The following WWOX variants were observed in gnomAD, a reference collection of about 807,000 sequenced individuals.
WWOX encodes WW domain-containing oxidoreductase.
In WWOX, 69 loss-of-function variants were observed where a neutral mutation model predicts 46.2. The ratio of observed to expected loss-of-function variants is 1.49; its 90% CI spans 1.23 to 1.82. The LOEUF (loss-of-function observed/expected upper bound fraction) is 1.82, where lower values mean the gene tolerates loss of function less well. WWOX is among the 40% of genes most tolerant of loss of function. The pLI is 0.00. For synonymous variants in WWOX, 359 were observed against 202.6 expected (o/e 1.77, Z -6.56); for missense variants, 919 against 542.6 (o/e 1.69, Z -6.89).
intron 5 of WWOX, among the ~76,000 whole-genome samples, chr16:78,325,066 T>A (rs2080582771): frequency 6.6e-6 from 1 of 152,136 alleles, no homozygotes; most frequent in South Asian, 2.1e-4. Flanking sequence ...AAGCCTGGCT[T>A]GTGTGAGAGC....
chr16:78,560,142 A>C (rs987969343), intron 8 of WWOX, among the ~76,000 whole-genome samples: 1 of 152,206 alleles, frequency 6.6e-6, no homozygotes, highest in Non-Finnish European at 1.5e-5. Flanking sequence ...TATACAAAAA[A>C]TATGCATAGT....
intron 8 of WWOX, among the ~76,000 whole-genome samples, chr16:79,072,042 G>C (rs529660440): frequency 2.7e-4 from 41 of 152,314 alleles, no homozygotes; most frequent in Non-Finnish European, 3.5e-4. Flanking sequence ...TAGCACTTTG[G>C]AAGGCAGAGG....
chr16:78,334,482 A>G (rs1298694874), intron 5 of WWOX, among the ~76,000 whole-genome samples: 1 of 152,212 alleles, frequency 6.6e-6, no homozygotes, highest in African/African-American at 2.4e-5. Context: ...GAGGTGTTAC[A>G]CAATTCATAG....
In WWOX at chr16:78,958,908, G is replaced by A. The variant is rs1036239107; in HGVS notation, c.1057-252700G>A. On this transcript the variant is annotated intron_variant, in intron 8 of 8. Coordinates refer to ENST00000566780, the MANE Select transcript of WWOX (RefSeq NM_016373.4). ...CATTCAACTCCATAGGGTGAGCATA[G>A]CTTAGTGGGGAGAGATTTGGACTAA... Among the ~76,000 whole-genome samples the A allele has an allele frequency of 2.6e-5, 4 of 152,308 alleles. No individual in the cohort carries two copies. The South Asian group carries it at 8.3e-4, about 32-fold the overall frequency.
intron 8 of WWOX, among the ~76,000 whole-genome samples, chr16:78,684,274 C>T (rs963132403): frequency 2.8e-4 from 42 of 152,124 alleles, no homozygotes; most frequent in African/African-American, 9.9e-4. Flanking sequence ...ATTGGACCTG[C>T]GGTCTGTCCA....
At chr16:78,680,216 C>T (rs1370414440) in intron 8 of WWOX, among the ~76,000 whole-genome samples, 1 of 152,064 alleles carries the variant, frequency 6.6e-6, no homozygotes, top group Admixed American at 6.6e-5. Context: ...TCGAGACCAG[C>T]CTGAGCAGCA....
chr16:78,179,463 C>G (rs2035458131), intron 5 of WWOX, among the ~76,000 whole-genome samples: 1 of 152,124 alleles, frequency 6.6e-6, no homozygotes. Context: ...GTAACTTAGG[C>G]AATTAATTAA....
At chr16:78,465,238 C>G (rs1400183566) in intron 8 of WWOX, among the ~76,000 whole-genome samples, 1 of 152,208 alleles carries the variant, frequency 6.6e-6, no homozygotes, top group African/African-American at 2.4e-5. Context: ...ATTGCTATTT[C>G]TAAGGCAGAT....
chr16:79,128,745 C>G (rs575745303), intron 8 of WWOX, among the ~76,000 whole-genome samples: 1 of 152,156 alleles, frequency 6.6e-6, no homozygotes, highest in Non-Finnish European at 1.5e-5. Flanking sequence ...CATTTGTAAG[C>G]CAGTAGGATT....
chr16:78,716,519 G>T (rs1450179801), intron 8 of WWOX, among the ~76,000 whole-genome samples: 5 of 152,090 alleles, frequency 3.3e-5, no homozygotes, highest in Non-Finnish European at 5.9e-5. Context: ...TTTAGGGGAT[G>T]CCCTCACTTT....
At chr16:78,136,924 C>T (rs1486779191) in intron 4 of WWOX, among the ~76,000 whole-genome samples, 1 of 152,178 alleles carries the variant, frequency 6.6e-6, no homozygotes, top group Non-Finnish European at 1.5e-5. Context: ...GGGCAGACCC[C>T]ATTCATGCAG....
intron 8 of WWOX, among the ~76,000 whole-genome samples, chr16:79,010,901 T>A (rs2047290959): frequency 6.6e-6 from 1 of 151,770 alleles, no homozygotes; most frequent in Non-Finnish European, 1.5e-5. Flanking sequence ...GCAGACGGGG[T>A]CATGTTGTGT....
rs529740434 is a variant in WWOX, at chr16:78,730,215, C to A, written c.1056+297463C>A. Among the ~76,000 whole-genome samples, 129 of 152,082 alleles carry A rather than the reference C, an allele frequency of 8.5e-4. 1 individual carries two copies. The highest frequency in any genetic ancestry group is 3.0e-3 in the African/African-American group (125 of 41,502). On this transcript the variant is annotated intron_variant, in intron 8 of 8. Coordinates refer to ENST00000566780, the MANE Select transcript of WWOX (RefSeq NM_016373.4). ...TGGTTACATATGGTCAAGTTGCTTCCCAAAAAGCGTCTCTGTCAGGATGAT... is the reference window on the plus strand; with the variant it reads ...TGGTTACATATGGTCAAGTTGCTTCACAAAAAGCGTCTCTGTCAGGATGAT...
At chr16:78,321,804 C>T (rs1175015175) in intron 5 of WWOX, among the ~76,000 whole-genome samples, 3 of 152,126 alleles carry the variant, frequency 2.0e-5, no homozygotes, top group African/African-American at 7.2e-5. Flanking sequence ...GTTAGTGTTT[C>T]CAGCACAGCT....
intron 8 of WWOX, among the ~76,000 whole-genome samples, chr16:79,166,007 T>C (rs1431280993): frequency 6.6e-6 from 1 of 152,210 alleles, no homozygotes; most frequent in African/African-American, 2.4e-5. Flanking sequence ...ATTAATGTCA[T>C]TTTCATAACT....
At chr16:78,477,694 A>G (rs1048677492) in intron 8 of WWOX, among the ~76,000 whole-genome samples, 4 of 152,194 alleles carry the variant, frequency 2.6e-5, no homozygotes, top group East Asian at 3.8e-4. Flanking sequence ...TGAAATGGCA[A>G]TTAGGAAAGA....
intron 8 of WWOX, among the ~76,000 whole-genome samples, chr16:78,509,274 A>C (rs555289640): frequency 1.3e-5 from 2 of 152,158 alleles, no homozygotes; most frequent in Non-Finnish European, 2.9e-5. Flanking sequence ...CCCTGTCTCT[A>C]CTAAAAAATA....
chr16:78,728,704 T>A (rs936407503), intron 8 of WWOX, among the ~76,000 whole-genome samples: 1 of 152,202 alleles, frequency 6.6e-6, no homozygotes, highest in Non-Finnish European at 1.5e-5. Flanking sequence ...ATGATCTGTA[T>A]AGCCTTTTCC....
intron 8 of WWOX, among the ~76,000 whole-genome samples, chr16:78,876,097 C>G (rs571054380): frequency 6.3e-4 from 96 of 152,274 alleles, no homozygotes; most frequent in African/African-American, 2.1e-3. Flanking sequence ...CTGAGGAACT[C>G]TAGATATTTC....
Sources: allele counts gnomAD v4.1 joint callset (sites outside exome capture counted in the v4.1 genomes callset), GRCh38; gene constraint gnomAD v4.1.1; transcripts MANE v1.5; gene names NCBI Gene and HGNC (gene_info 2026-07-23, HGNC 2026-07-21).